EPB41L3: variants seen among roughly 807,000 people sequenced by gnomAD.
The protein encoded by EPB41L3 is band 4.1-like protein 3.
Under a neutral mutation model 127.1 loss-of-function variants are expected in EPB41L3, and 57 were observed. That is an observed-to-expected ratio of 0.45 (90% confidence interval 0.36 to 0.56). The LOEUF (loss-of-function observed/expected upper bound fraction) is 0.56, where lower values mean the gene tolerates loss of function less well. Among genes scored for constraint, EPB41L3 ranks in the 20% least tolerant of loss-of-function variants. The pLI, the probability that EPB41L3 is intolerant of heterozygous loss-of-function variation, is 0.00. For missense variants in EPB41L3, 1,273 were observed against 1,372.2 expected, an observed-to-expected ratio of 0.93 and a Z score of 1.14; for synonymous variants, 572 against 549.5, an observed-to-expected ratio of 1.04 and a Z score of -0.57.
At chr18:5,607,953 T>A (rs2094680642) in intron 3 of EPB41L3, among the ~76,000 whole-genome samples, 1 of 152,254 alleles carries the variant, frequency 6.6e-6, no homozygotes, top group East Asian at 1.9e-4. Flanking sequence ...ATGTGTCTGG[T>A]GAAAATATTT....
intron 15 of EPB41L3, 140 bp from the exon 16 acceptor site, chr18:5,407,108 A>G: frequency 1.5e-6 from 1 of 670,374 alleles, no homozygotes; most frequent in Non-Finnish European, 2.5e-6. Flanking sequence ...TCATGGCACT[A>G]CCACAAACAC....
chr18:5,400,802 A>C, intron 16 of EPB41L3: 1 of 585,644 alleles, frequency 1.7e-6, no homozygotes, highest in Non-Finnish European at 3.0e-6. Flanking sequence ...CTAAAATATT[A>C]AGAAAATTCA....
intron 3 of EPB41L3, among the ~76,000 whole-genome samples, chr18:5,578,557 T>A (rs1568600755): frequency 6.6e-6 from 1 of 152,122 alleles, no homozygotes; most frequent in African/African-American, 2.4e-5. Context: ...TGCAAACCAA[T>A]AAGAAGATGA....
At chr18:5,576,852 G>A (rs925308063) in intron 3 of EPB41L3, among the ~76,000 whole-genome samples, 2 of 152,356 alleles carry the variant, frequency 1.3e-5, no homozygotes, top group African/African-American at 2.4e-5. Context: ...GGATTGCAAA[G>A]TCTAAGCATA....
In EPB41L3 at chr18:5,474,683, C is replaced by T. The variant is rs574488689; in HGVS notation, c.381+3558G>A. Among the ~76,000 whole-genome samples, 124 of 152,152 alleles carry T rather than the reference C, an allele frequency of 8.1e-4. No individual in the cohort carries two copies. The South Asian group carries it at 9.3e-3, about 11-fold the overall frequency. ...AAAAAAAAGTTTCATCTGTTATCATCGCCTTCATTCTTAATTCATCTGTAA... is the reference window on the plus strand; with the variant it reads ...AAAAAAAAGTTTCATCTGTTATCATTGCCTTCATTCTTAATTCATCTGTAA... On this transcript the variant is annotated intron_variant, in intron 3 of 22. Transcript: ENST00000341928.
rs369329093 is a variant in EPB41L3 at position 5,474,163 on chromosome 18, G to A, written c.381+4078C>T. Among the ~76,000 whole-genome samples the A allele has an allele frequency of 4.0e-4, 61 of 151,954 alleles. 1 individual carries two copies. Among genetic ancestry groups the A allele is most frequent in the East Asian group, 2.5e-3 (13 of 5,146 alleles). The stretch of plus-strand genomic sequence containing the variant: ...GGAGAATGGCGTGAACATGGGAGGC[G>A]GAGCTTGCAGTGAGCCGAGATCGCG... On this transcript the variant is annotated intron_variant, in intron 3 of 22. Transcript: ENST00000341928.
At chr18:5,538,819 C>T (rs1467806726) in intron 1 of EPB41L3, among the ~76,000 whole-genome samples, 1 of 152,102 alleles carries the variant, frequency 6.6e-6, no homozygotes, top group African/African-American at 2.4e-5. Flanking sequence ...TTGGTACCTG[C>T]AGAATTCTCT....
At chr18:5,478,084 C>T (rs1256624996) in intron 3 of EPB41L3, among the ~76,000 whole-genome samples, 157 bp downstream of exon 3, 3 of 151,908 alleles carry the variant, frequency 2.0e-5, no homozygotes, top group Non-Finnish European at 4.4e-5. Context: ...TAATCTGATC[C>T]CCTGTTACAG....
At chr18:5,516,569 G>A (rs1351138847) in intron 1 of EPB41L3, among the ~76,000 whole-genome samples, 7 of 152,198 alleles carry the variant, frequency 4.6e-5, no homozygotes, top group African/African-American at 1.7e-4. Context: ...TAACCACTGT[G>A]AACTTCCAGC....
intron 5 of EPB41L3, among the ~76,000 whole-genome samples, chr18:5,442,116 T>C (rs1365953999): frequency 6.6e-6 from 1 of 152,226 alleles, no homozygotes; most frequent in Non-Finnish European, 1.5e-5. Flanking sequence ...ATTAGATGAA[T>C]AAGAGAACTT....
intron 3 of EPB41L3, among the ~76,000 whole-genome samples, chr18:5,589,594 AAGAAG>A (rs1440630654): frequency 5.3e-5 from 8 of 152,208 alleles, no homozygotes; most frequent in African/African-American, 1.9e-4. Context: ...AATGTTTGAA[AAGAAG>A]AGAAACCTTT....
chr18:5,412,517 C>A (rs12605792), intron 13 of EPB41L3, among the ~76,000 whole-genome samples: 1 of 152,098 alleles, frequency 6.6e-6, no homozygotes, highest in African/African-American at 2.4e-5. Flanking sequence ...TAAGCCACCG[C>A]GCGCCCAGCT....
chr18:5,624,521 A>C (rs1429232883), intron 1 of EPB41L3, among the ~76,000 whole-genome samples: 1 of 152,206 alleles, frequency 6.6e-6, no homozygotes, highest in Non-Finnish European at 1.5e-5. Flanking sequence ...AATTAGGCCA[A>C]TGTGGGTAGA....
intron 3 of EPB41L3, among the ~76,000 whole-genome samples, chr18:5,582,745 G>T (rs972004618): frequency 6.6e-6 from 1 of 152,186 alleles, no homozygotes; most frequent in Admixed American, 6.5e-5. Context: ...TTATGACTGA[G>T]CTATAAGTAG....
intron 3 of EPB41L3, among the ~76,000 whole-genome samples, chr18:5,583,077 C>T (rs1411459491): frequency 3.3e-5 from 5 of 152,150 alleles, no homozygotes; most frequent in Admixed American, 1.3e-4. Flanking sequence ...ATTTCTGAGA[C>T]GCAGCTGAAG....
chr18:5,443,845 C>G lies in EPB41L3; in HGVS notation c.522G>C (p.Gln174His). The change falls in exon 5 of 23, where the codon CAG (glutamine) becomes CAC (histidine). Residue 174 changes from glutamine to histidine, a missense_variant. By Grantham distance (24) the Gln-to-His change is conservative. Coordinates refer to ENST00000341928, the MANE Select transcript of EPB41L3 (RefSeq NM_012307.5). ...TAATCCAAAAGAACTTACTTCGAACCTGTTTTTTTATTTCCTTAGCAGGGT... is the reference window on the plus strand; with the variant it reads ...TAATCCAAAAGAACTTACTTCGAACGTGTTTTTTTATTTCCTTAGCAGGGT... ...WLDPAKEIKK[Q>H]VRSGAWHFSF... The G allele has an allele frequency of 6.2e-7, 1 of 1,609,382 alleles. No individual in the cohort carries two copies. The highest frequency in any genetic ancestry group is 8.5e-7 in the Non-Finnish European group (1 of 1,178,318).
At position 5,397,552 on chromosome 18, in the gene EPB41L3, C is replaced by T. The variant is rs552854623; in HGVS notation, c.2473-126G>A. On this transcript the variant is annotated intron_variant, in intron 17 of 22. Transcript: ENST00000341928. This position sits in a 1 kb window ranked among gnomAD's most constrained non-coding sequence, Gnocchi z 4.1. ...AAGTGCTTATAACCAGAAACACTGA[C>T]GAAAAATATAAATTAGCTTTCATTT... 5.1e-4 allele frequency: 596 copies of T among 1,161,566 alleles called. No homozygotes were observed. The highest frequency in any genetic ancestry group is 5.4e-4 in the Non-Finnish European group (448 of 835,512). The allele number at this position is 1,161,566 out of a possible 1,614,324, so 72.0% of individuals were successfully genotyped here. A position where few individuals can be genotyped will look rare whatever the true frequency, so the allele number is the denominator to read the frequency against.
intron 3 of EPB41L3, among the ~76,000 whole-genome samples, chr18:5,554,737 G>A (rs1205273289): frequency 6.6e-6 from 1 of 152,146 alleles, no homozygotes; most frequent in Non-Finnish European, 1.5e-5. Context: ...AATTTAATAA[G>A]CATTTATATT....
At chr18:5,515,234 T>C (rs1251600630) in intron 1 of EPB41L3, among the ~76,000 whole-genome samples, 1 of 152,218 alleles carries the variant, frequency 6.6e-6, no homozygotes, top group Non-Finnish European at 1.5e-5. Context: ...GCTGCCACCA[T>C]GTACACTGCG....
Sources: allele counts gnomAD v4.1 joint callset (sites outside exome capture counted in the v4.1 genomes callset), GRCh38; gene constraint gnomAD v4.1.1; non-coding constraint Gnocchi (gnomAD v3.1); transcripts MANE v1.5; gene names NCBI Gene and HGNC (gene_info 2026-07-23, HGNC 2026-07-21).